The following PLCB4 variants were observed in gnomAD, a reference collection of about 807,000 sequenced individuals.
PLCB4 encodes the protein phospholipase C beta 4, also known as 1-phosphatidylinositol 4,5-bisphosphate phosphodiesterase beta-4.
Under a neutral mutation model 178.8 loss-of-function variants are expected in PLCB4, and 77 were observed. The ratio of observed to expected loss-of-function variants is 0.43; its 90% CI spans 0.36 to 0.52. The LOEUF (loss-of-function observed/expected upper bound fraction) is 0.52, where lower values mean the gene tolerates loss of function less well. PLCB4 is among the 20% of genes least tolerant of loss of function. The pLI, the probability that PLCB4 is intolerant of heterozygous loss-of-function variation, is 0.00. For synonymous variants in PLCB4, 496 were observed against 490.8 expected (o/e 1.01, Z -0.14); for missense variants, 1,024 against 1,453.4 (o/e 0.70, Z 4.80).
At chr20:9,445,332 T>C (rs980101444) in intron 32 of PLCB4, among the ~76,000 whole-genome samples, 5 of 152,238 alleles carry the variant, frequency 3.3e-5, no homozygotes, top group African/African-American at 9.6e-5. Context: ...TTCTGAGTTC[T>C]TTTAAACTAA....
intron 33 of PLCB4, 102 bp from the exon 34 acceptor site, chr20:9,457,312 T>C: frequency 1.4e-6 from 1 of 707,910 alleles, no homozygotes; most frequent in Non-Finnish European, 2.6e-6. Context: ...CATCTCATAT[T>C]TGATGAATAT....
chr20:9,089,109 A>G lies in PLCB4; in HGVS notation c.-134-7178A>G, dbSNP rs558002679. On this transcript the variant is annotated intron_variant, in intron 1 of 39. Transcript: ENST00000378473. ...AGAAATAGATGAATATGAAATGTAT[A>G]TATCAGTTCATTAGTTAGCTTATTT... Among the ~76,000 whole-genome samples, 56 of 152,152 alleles carry G rather than the reference A, an allele frequency of 3.7e-4. No homozygotes were observed. In the Middle Eastern group the frequency reaches 0.014, roughly 37 times the overall value.
At chr20:9,176,180 C>G (rs1345159027) in intron 2 of PLCB4, among the ~76,000 whole-genome samples, 1 of 152,112 alleles carries the variant, frequency 6.6e-6, no homozygotes, top group East Asian at 1.9e-4. Context: ...GCTATTGTTT[C>G]CTCTATAGCT....
intron 3 of PLCB4, among the ~76,000 whole-genome samples, chr20:9,238,915 C>T (rs374455313): frequency 2.2e-4 from 33 of 152,210 alleles, no homozygotes; most frequent in African/African-American, 6.7e-4. Flanking sequence ...TTTTTGGAGG[C>T]GATCACTATA....
chr20:9,428,466 CCAAGGGGAGGGGGAG>C (rs1358176929), intron 28 of PLCB4, among the ~76,000 whole-genome samples: 13 of 152,066 alleles, frequency 8.5e-5, no homozygotes, highest in Admixed American at 7.9e-4. Context: ...TGGTGAATGC[CCAAGGGGAGGGGGAG>C]AACATGAGCA....
At chr20:9,076,929 C>G (rs1181634006) in intron 1 of PLCB4, among the ~76,000 whole-genome samples, 1 of 152,138 alleles carries the variant, frequency 6.6e-6, no homozygotes, top group African/African-American at 2.4e-5. Flanking sequence ...GCAAAGTACC[C>G]TTTTCCACCT....
chr20:9,099,565 C>G (rs540244836), intron 2 of PLCB4, among the ~76,000 whole-genome samples: 5 of 152,128 alleles, frequency 3.3e-5, no homozygotes, highest in Admixed American at 6.5e-5. Context: ...GCACATAGAA[C>G]ATTATCATCA....
chr20:9,301,435 G>C (rs910584083), intron 3 of PLCB4, among the ~76,000 whole-genome samples: 8 of 151,942 alleles, frequency 5.3e-5, no homozygotes, highest in African/African-American at 1.9e-4. Flanking sequence ...TGGTGGTGAG[G>C]GAGGGTGAGC....
chr20:9,278,578 T>C (rs1238768633), intron 3 of PLCB4, among the ~76,000 whole-genome samples: 1 of 152,092 alleles, frequency 6.6e-6, no homozygotes, highest in Non-Finnish European at 1.5e-5. Context: ...TGACAACTCA[T>C]GGCATGCTTT....
At chr20:9,329,593 G>C (rs1374890224) in intron 4 of PLCB4, among the ~76,000 whole-genome samples, 1 of 152,138 alleles carries the variant, frequency 6.6e-6, no homozygotes, top group African/African-American at 2.4e-5. Flanking sequence ...CTGGTGGAAG[G>C]GGGAAAGGTC....
intron 2 of PLCB4, among the ~76,000 whole-genome samples, chr20:9,133,382 C>T (rs6086787): frequency 6.6e-6 from 1 of 152,098 alleles, no homozygotes; most frequent in Admixed American, 6.6e-5. Context: ...ATTCTTTTGC[C>T]TCAGCCTCCC....
chr20:9,302,887 T>C lies in PLCB4; in HGVS notation c.-15-4913T>C, dbSNP rs187724623. Among the ~76,000 whole-genome samples, 530 of 152,100 alleles carry C rather than the reference T, an allele frequency of 3.5e-3. 1 individual carries two copies. Among genetic ancestry groups the C allele is most frequent in the African/African-American group, 0.012 (500 of 41,478 alleles). ...TTTTATTTTTATTTTTGATATAAAC[T>C]TTTTGTATCCAAAGCCTCTTACTGA... On this transcript the variant is annotated intron_variant, in intron 3 of 39. Transcript: ENST00000378473.
At chr20:9,268,530 T>A (rs1291942206) in intron 3 of PLCB4, among the ~76,000 whole-genome samples, 2 of 152,270 alleles carry the variant, frequency 1.3e-5, no homozygotes, top group East Asian at 1.9e-4. Flanking sequence ...CTGTGGTAGG[T>A]CATAGCCCAA....
At chr20:9,213,580 A>T (rs1189864870) in intron 2 of PLCB4, among the ~76,000 whole-genome samples, 1 of 152,148 alleles carries the variant, frequency 6.6e-6, no homozygotes, top group Non-Finnish European at 1.5e-5. Flanking sequence ...GGACATTGGG[A>T]TTGTTTACAA....
intron 20 of PLCB4, among the ~76,000 whole-genome samples, chr20:9,403,574 G>A (rs573938541): frequency 6.6e-6 from 1 of 152,370 alleles, no homozygotes; most frequent in South Asian, 2.1e-4. Flanking sequence ...GTGCAGCCAT[G>A]TGGTGGAAGA....
chr20:9,122,470 C>G (rs1208913806), intron 2 of PLCB4, among the ~76,000 whole-genome samples: 2 of 152,182 alleles, frequency 1.3e-5, no homozygotes, highest in South Asian at 2.1e-4. Flanking sequence ...TCTTCTGTTA[C>G]TGGATACTTA....
At chr20:9,333,458 G>A (rs1449083436) in intron 4 of PLCB4, among the ~76,000 whole-genome samples, 2 of 152,170 alleles carry the variant, frequency 1.3e-5, no homozygotes, top group Non-Finnish European at 2.9e-5. Flanking sequence ...AGAGCTTGAG[G>A]GGTTGCAGGA....
At chr20:9,181,462 C>A (rs1407101) in intron 2 of PLCB4, among the ~76,000 whole-genome samples, 28,944 of 152,044 alleles carry the variant, frequency 0.19, 2,939 homozygotes, top group East Asian at 0.29. Context: ...CACAAAATGC[C>A]ATAGACTAGG....
At chr20:9,160,547 GTTTTA>G (rs1346546245) in intron 2 of PLCB4, among the ~76,000 whole-genome samples, 4 of 152,166 alleles carry the variant, frequency 2.6e-5, no homozygotes, top group Admixed American at 2.6e-4. Context: ...GTGCATGCAT[GTTTTA>G]TAGCTTCCTG....
Sources: gnomAD v4.1 joint callset for allele counts (sites outside exome capture counted in the v4.1 genomes callset) on GRCh38, gnomAD v4.1.1 for gene constraint, MANE v1.5 for transcripts, NCBI Gene and HGNC (gene_info 2026-07-23, HGNC 2026-07-21) for gene names.